The following MFSD6 variants were observed in gnomAD, a reference collection of about 807,000 sequenced individuals.
The protein encoded by MFSD6 is major facilitator superfamily domain containing 6, also known as major facilitator superfamily domain-containing protein 6.
Under a neutral mutation model 56.3 loss-of-function variants are expected in MFSD6, and 26 were observed. That is an observed-to-expected ratio of 0.46 (90% CI 0.34 to 0.64). The LOEUF (loss-of-function observed/expected upper bound fraction) is 0.64. Ranked by LOEUF, MFSD6 falls within the 30% of genes least tolerant of loss-of-function variation. The probability of loss-of-function intolerance (pLI) is 0.01; values close to 1 mark genes in which losing one functional copy is unlikely to be tolerated. For synonymous variants in MFSD6, 331 were observed against 366.9 expected (o/e 0.90, Z 1.12); for missense variants, 750 against 986.2 (o/e 0.76, Z 3.21).
chr2:190,458,386 CAGGG>C lies in MFSD6; in HGVS notation c.1533-11369_1533-11366del, dbSNP rs1276098738. The stretch of plus-strand genomic sequence containing the variant: ...GCACAAGGGAAGATAGGCGATGACA[CAGGG>C]AGAGGATGACTTGTCTGCAAGCCAA... On this transcript the variant is annotated intron_variant, in intron 3 of 7. Coordinates refer to ENST00000392328, the MANE Select transcript of MFSD6 (RefSeq NM_017694.4). The surrounding 1 kb of genome is among the most constrained non-coding windows in gnomAD (Gnocchi z 5.3). Among the ~76,000 whole-genome samples, 1 of 152,110 alleles carries C rather than the reference CAGGG, an allele frequency of 6.6e-6. No homozygotes were observed.
At position 190,489,855 on chromosome 2, in the gene MFSD6, A is replaced by G. The variant is rs1438364935; in HGVS notation, c.1880A>G (p.Asp627Gly). The change falls in exon 6 of 8, where the codon GAT (aspartate) becomes GGT (glycine). Residue 627 changes from aspartate (D) to glycine (G), a missense_variant. This residue lies in a region of MFSD6 where 125 missense variants were observed against 223.1 expected (regional missense o/e 0.56). Coordinates refer to ENST00000392328, the MANE Select transcript of MFSD6 (RefSeq NM_017694.4). The surrounding 1 kb of genome is among the most constrained non-coding windows in gnomAD (Gnocchi z 6.6). ...FALIQWLAVP[D>G]EEEDKTMLAE... ...CTGATCCAGTGGCTGGCAGTGCCAG[A>G]TGAGGAAGAAGGTAATTATTTCCAT... 1.1e-5 allele frequency: 17 copies of G among 1,613,770 alleles called. No individual in the cohort carries two copies. Among genetic ancestry groups the G allele is most frequent in the Non-Finnish European group, 1.4e-5 (16 of 1,179,818 alleles).
chr2:190,446,322 T>C (rs1686582341), intron 3 of MFSD6, among the ~76,000 whole-genome samples: 1 of 152,188 alleles, frequency 6.6e-6, no homozygotes, highest in African/African-American at 2.4e-5. Context: ...GCAGGGTGTA[T>C]CCAAGGCTGC....
At chr2:190,472,693 T>A (rs1688020311) in intron 4 of MFSD6, among the ~76,000 whole-genome samples, 1 of 152,186 alleles carries the variant, frequency 6.6e-6, no homozygotes, top group East Asian at 1.9e-4. Flanking sequence ...ACTTCCCCAA[T>A]CTAGCAAGGC....
intron 4 of MFSD6, among the ~76,000 whole-genome samples, chr2:190,476,456 CTCA>C (rs1322477437): frequency 6.6e-6 from 1 of 152,098 alleles, no homozygotes; most frequent in African/African-American, 2.4e-5. Flanking sequence ...TGAAAAAATG[CTCA>C]TCATCACTGG....
chr2:190,462,124 C>T lies in MFSD6; in HGVS notation c.1533-7634C>T, dbSNP rs1030008438. 7.9e-5 allele frequency among the ~76,000 whole-genome samples: 12 copies of T among 152,086 alleles called. No homozygotes were observed. The highest frequency in any genetic ancestry group is 2.9e-4 in the African/African-American group (12 of 41,394). On this transcript the variant is annotated intron_variant, in intron 3 of 7. Coordinates refer to ENST00000392328, the MANE Select transcript of MFSD6 (RefSeq NM_017694.4). This position sits in a 1 kb window ranked among gnomAD's most constrained non-coding sequence, Gnocchi z 5.7. ...TTGTTCGTGATTTGCTGTCTGTCTC[C>T]TTCTTGGTTTGTTTTTGTATTAATA...
chr2:190,452,083 T>C (rs756760611), intron 3 of MFSD6, among the ~76,000 whole-genome samples: 17 of 152,172 alleles, frequency 1.1e-4, no homozygotes, highest in Non-Finnish European at 1.6e-4. Context: ...TTTTTGTTTT[T>C]TTTTTCAGCA....
At chr2:190,430,939 C>A (rs1453216966) in intron 2 of MFSD6, among the ~76,000 whole-genome samples, 4 of 151,786 alleles carry the variant, frequency 2.6e-5, no homozygotes, top group African/African-American at 9.7e-5. Flanking sequence ...GGGCTCCTCA[C>A]TTCTCAGACG....
Position 190,465,321 on chromosome 2 carries a change from T to C in MFSD6, c.1533-4437T>C, listed in dbSNP as rs1192343830. Among the ~76,000 whole-genome samples, 1 of 152,228 alleles carries C rather than the reference T, an allele frequency of 6.6e-6. No homozygotes were observed. The highest frequency in any genetic ancestry group is 2.4e-5 in the African/African-American group (1 of 41,454). On this transcript the variant is annotated intron_variant, in intron 3 of 7. Coordinates refer to ENST00000392328, the MANE Select transcript of MFSD6 (RefSeq NM_017694.4). This position sits in a 1 kb window ranked among gnomAD's most constrained non-coding sequence, Gnocchi z 4.6. ...TCTAAAATTGCCTTTGTTTCTTGTC[T>C]ATTTTTATTACTACTGACTTCCTGT... is the stretch of plus-strand genomic sequence containing the variant.
At chr2:190,442,347 G>A (rs577289643) in intron 3 of MFSD6, among the ~76,000 whole-genome samples, 4 of 152,162 alleles carry the variant, frequency 2.6e-5, no homozygotes, top group Admixed American at 2.6e-4. Flanking sequence ...AAGCGTGTTG[G>A]AAAAAACAGG....
In MFSD6 at chr2:190,500,220, G is replaced by A. The variant is rs138926881; in HGVS notation, c.*2G>A. 1,381 of 1,613,904 alleles carry A rather than the reference G, an allele frequency of 8.6e-4. No homozygotes were observed. Among genetic ancestry groups the A allele is most frequent in the Non-Finnish European group, 1.1e-3 (1,257 of 1,180,012 alleles). On this transcript the variant is annotated 3_prime_UTR_variant, in exon 8 of 8. Coordinates refer to ENST00000392328, the MANE Select transcript of MFSD6 (RefSeq NM_017694.4). This position sits in a 1 kb window ranked among gnomAD's most constrained non-coding sequence, Gnocchi z 5.3. Reference sequence around the variant, plus strand: ...CAGCTGGCCGCGGGAGGACACTGAGGGCATCCTGCTCATCTCACACCCTGC... The same window carrying A: ...CAGCTGGCCGCGGGAGGACACTGAGAGCATCCTGCTCATCTCACACCCTGC...
At chr2:190,448,555 C>G (rs1686664915) in intron 3 of MFSD6, among the ~76,000 whole-genome samples, 1 of 152,102 alleles carries the variant, frequency 6.6e-6, no homozygotes, top group Non-Finnish European at 1.5e-5. Flanking sequence ...GGGAAAAAAG[C>G]AGGTTTCAAA....
Position 190,425,290 on chromosome 2 carries a change from C to T in MFSD6, c.-54+9877C>T, listed in dbSNP as rs186080665. ...TAGTCATGTTAACTGCAAATAGGGA[C>T]AGTTTCTTTGTTTTTGATCTGTATG... is the stretch of plus-strand genomic sequence containing the variant. On this transcript the variant is annotated intron_variant, in intron 2 of 7. Transcript: ENST00000392328. This position sits in a 1 kb window ranked among gnomAD's most constrained non-coding sequence, Gnocchi z 4.3. 2.1e-4 allele frequency among the ~76,000 whole-genome samples: 32 copies of T among 152,230 alleles called. No individual in the cohort carries two copies. The East Asian group carries it at 3.7e-3, about 17-fold the overall frequency.
rs375742630 is a variant in MFSD6 at position 190,497,737 on chromosome 2, G to A, written c.2172+18G>A. The A allele has an allele frequency of 1.4e-5, 22 of 1,601,452 alleles. No homozygotes were observed. The highest frequency in any genetic ancestry group is 1.9e-5 in the Non-Finnish European group (22 of 1,170,754). ...CTTTACAGGTACAGTTCCTTTGCTG[G>A]GCTAGCAATATTACCTGTCACTCAA... On this transcript the variant is annotated intron_variant, in intron 7 of 7. Coordinates refer to ENST00000392328, the MANE Select transcript of MFSD6 (RefSeq NM_017694.4). This position sits in a 1 kb window ranked among gnomAD's most constrained non-coding sequence, Gnocchi z 5.2.
intron 3 of MFSD6, among the ~76,000 whole-genome samples, chr2:190,468,334 TTTTGTC>T (rs1687714446): frequency 6.6e-6 from 1 of 152,198 alleles, no homozygotes; most frequent in South Asian, 2.1e-4. Context: ...ACTTTTTCTT[TTTTGTC>T]TTTTCTTCAT....
At position 190,443,057 on chromosome 2, in the gene MFSD6, T is replaced by C. The variant is rs934344221; in HGVS notation, c.1532+5496T>C. 4 of 152,246 alleles carry C rather than the reference T, an allele frequency of 2.6e-5. No homozygotes were observed. Among genetic ancestry groups the C allele is most frequent in the African/African-American group, 4.8e-5 (2 of 41,462 alleles). 9.4% of individuals were successfully genotyped at this position (152,246 alleles called of 1,614,324 possible). A position where few individuals can be genotyped will look rare whatever the true frequency, so the allele number is the denominator to read the frequency against. On this transcript the variant is annotated intron_variant, in intron 3 of 7. Transcript: ENST00000392328. The surrounding 1 kb of genome is among the most constrained non-coding windows in gnomAD (Gnocchi z 4.2). ...TTTGTGTTATATGGAACTGTCATTA[T>C]GGTATTACCGTAACCTGTTTCTATA...
intron 4 of MFSD6, among the ~76,000 whole-genome samples, chr2:190,486,315 AAT>A (rs1184732544): frequency 2.0e-5 from 3 of 152,240 alleles, no homozygotes; most frequent in Non-Finnish European, 4.4e-5. Flanking sequence ...CCTCACTCTG[AAT>A]AGTGTCTGCA....
Position 190,488,432 on chromosome 2 carries a change from GA to G in MFSD6, c.1631-220del, listed in dbSNP as rs1490810020. On this transcript the variant is annotated intron_variant, in intron 4 of 7. Transcript: ENST00000392328. This position sits in a 1 kb window ranked among gnomAD's most constrained non-coding sequence, Gnocchi z 6.4. Reference sequence around the variant, plus strand: ...GGTACAGAATTTTTGTTGTGGTGGTGAAAAAGTTCTGGAGATGGATGGTGGT... The same window carrying G: ...GGTACAGAATTTTTGTTGTGGTGGTGAAAAGTTCTGGAGATGGATGGTGGT... Among the ~76,000 whole-genome samples the G allele has an allele frequency of 2.0e-5, 3 of 152,310 alleles. No homozygotes were observed. The highest frequency in any genetic ancestry group is 1.9e-4 in the East Asian group (1 of 5,194).
In MFSD6 at chr2:190,458,604, G is replaced by A. The variant is rs191169344; in HGVS notation, c.1533-11154G>A. 6.6e-6 allele frequency among the ~76,000 whole-genome samples: 1 copy of A among 152,236 alleles called. No homozygotes were observed. The highest frequency in any genetic ancestry group is 2.4e-5 in the African/African-American group (1 of 41,532). Reference sequence around the variant, plus strand: ...CCCAGTTTTAGATTCCCTTCCCCCCGAGTGCTTGACAGATGGTTATTAGCC... The same window carrying A: ...CCCAGTTTTAGATTCCCTTCCCCCCAAGTGCTTGACAGATGGTTATTAGCC... On this transcript the variant is annotated intron_variant, in intron 3 of 7. Transcript: ENST00000392328. The surrounding 1 kb of genome is among the most constrained non-coding windows in gnomAD (Gnocchi z 5.3).
In MFSD6 at chr2:190,463,050, A is replaced by C. The variant is rs569160471; in HGVS notation, c.1533-6708A>C. Among the ~76,000 whole-genome samples, 52 of 152,272 alleles carry C rather than the reference A, an allele frequency of 3.4e-4. No homozygotes were observed. The highest frequency in any genetic ancestry group is 1.2e-3 in the African/African-American group (49 of 41,558). On this transcript the variant is annotated intron_variant, in intron 3 of 7. Transcript: ENST00000392328. The surrounding 1 kb of genome is among the most constrained non-coding windows in gnomAD (Gnocchi z 4.4). The stretch of plus-strand genomic sequence containing the variant: ...ACAGGATGCAGGAGATGCCATGGAG[A>C]GGACAAAAAAAGGGGAGAGAAGACA...
Sources: allele counts gnomAD v4.1 joint callset (sites outside exome capture counted in the v4.1 genomes callset), GRCh38; gene constraint gnomAD v4.1.1; regional missense constraint gnomAD v4.1.1; non-coding constraint Gnocchi (gnomAD v3.1); transcripts MANE v1.5; gene names NCBI Gene and HGNC (gene_info 2026-07-23, HGNC 2026-07-21).